Variants in PPARGC1A observed in about 807,000 individuals in gnomAD.
The protein encoded by PPARGC1A is PPARG coactivator 1 alpha, also known as peroxisome proliferator-activated receptor gamma coactivator 1-alpha.
Under a neutral mutation model 88.7 loss-of-function variants are expected in PPARGC1A, and 25 were observed. The ratio of observed to expected loss-of-function variants is 0.28; its 90% CI spans 0.21 to 0.39. The LOEUF (loss-of-function observed/expected upper bound fraction) is 0.39, where lower values mean the gene tolerates loss of function less well. Ranked by LOEUF, PPARGC1A falls within the 10% of genes least tolerant of loss-of-function variation. The probability of loss-of-function intolerance (pLI) is 1.00; values close to 1 mark genes in which losing one functional copy is unlikely to be tolerated. For synonymous variants in PPARGC1A, 363 were observed against 355.6 expected (o/e 1.02, Z -0.24); for missense variants, 880 against 968.7 (o/e 0.91, Z 1.22).
the PPARGC1A span, among the ~76,000 whole-genome samples, chr4:24,166,416 C>A: frequency 6.6e-6 from 1 of 152,180 alleles, no homozygotes; most frequent in East Asian, 1.9e-4. Context: ...AGCAACAGAT[C>A]TTCAATATAG....
At chr4:24,123,634 G>T in the PPARGC1A span, among the ~76,000 whole-genome samples, 1 of 152,150 alleles carries the variant, frequency 6.6e-6, no homozygotes, top group Non-Finnish European at 1.5e-5. Context: ...TCCAATGGGG[G>T]AACCAGTGGG....
At chr4:24,013,724 A>C in the PPARGC1A span, among the ~76,000 whole-genome samples, 1 of 152,218 alleles carries the variant, frequency 6.6e-6, no homozygotes, top group Admixed American at 6.5e-5. Context: ...TAAACAATTA[A>C]ATTTTTGGCA....
the PPARGC1A span, among the ~76,000 whole-genome samples, chr4:24,012,918 C>T: frequency 2.6e-5 from 4 of 152,120 alleles, no homozygotes; most frequent in Admixed American, 2.6e-4. Context: ...GTGGAAGCAG[C>T]CACCCATCAT....
At chr4:24,162,044 A>G in the PPARGC1A span, among the ~76,000 whole-genome samples, 339 of 152,084 alleles carry the variant, frequency 2.2e-3, 1 homozygote, top group African/African-American at 7.8e-3. Flanking sequence ...TAAAAAAGGA[A>G]TGAAATAATG....
At chr4:24,301,198 T>C in the PPARGC1A span, among the ~76,000 whole-genome samples, 142 of 152,260 alleles carry the variant, frequency 9.3e-4, no homozygotes, top group African/African-American at 3.3e-3. Flanking sequence ...ACCTTAACAC[T>C]AGTAGATATT....
intron 5 of PPARGC1A, 144 bp downstream of exon 5, chr4:23,828,256 C>G (rs749354685): frequency 3.6e-6 from 3 of 828,026 alleles, no homozygotes; most frequent in South Asian, 1.7e-5. Flanking sequence ...TTTCTTCCCC[C>G]GCTCTGTAAT....
At chr4:23,834,639 T>C (rs59538905) in intron 2 of PPARGC1A, among the ~76,000 whole-genome samples, 3,497 of 152,280 alleles carry the variant, frequency 0.023, 84 homozygotes, top group African/African-American at 0.061. Flanking sequence ...GCTTATTGAA[T>C]ACCCTCAGGC....
chr4:24,471,295 C>A, the PPARGC1A span, among the ~76,000 whole-genome samples: 1 of 151,978 alleles, frequency 6.6e-6, no homozygotes, highest in Non-Finnish European at 1.5e-5. This position sits in a 1 kb window ranked among gnomAD's most constrained non-coding sequence, Gnocchi z 5.4. Flanking sequence ...CTTTCCCCAG[C>A]CCAGACACGC....
the PPARGC1A span, among the ~76,000 whole-genome samples, chr4:23,971,316 T>C: frequency 6.6e-6 from 1 of 152,166 alleles, no homozygotes; most frequent in South Asian, 2.1e-4. Context: ...TGAGGCATAG[T>C]GTGTTGAGAA....
the PPARGC1A span, among the ~76,000 whole-genome samples, chr4:24,283,270 T>C: frequency 6.6e-6 from 1 of 152,310 alleles, no homozygotes; most frequent in East Asian, 1.9e-4. Context: ...TCCCACTGGG[T>C]TATGGCAAGA....
At chr4:23,996,478 G>A in the PPARGC1A span, among the ~76,000 whole-genome samples, 1 of 152,080 alleles carries the variant, frequency 6.6e-6, no homozygotes, top group South Asian at 2.1e-4. Context: ...TGTTGCCAGG[G>A]CCAGTCAGAT....
At chr4:24,440,055 G>A in the PPARGC1A span, among the ~76,000 whole-genome samples, 1 of 152,188 alleles carries the variant, frequency 6.6e-6, no homozygotes, top group African/African-American at 2.4e-5. Flanking sequence ...AGCACAAAAA[G>A]AGGTCTCCTT....
the PPARGC1A span, among the ~76,000 whole-genome samples, chr4:24,283,599 A>G: frequency 2.0e-5 from 3 of 152,174 alleles, no homozygotes; most frequent in Non-Finnish European, 4.4e-5. Context: ...AATGATAACA[A>G]CCATCAAGGG....
chr4:24,381,753 T>G, the PPARGC1A span, among the ~76,000 whole-genome samples: 11 of 152,240 alleles, frequency 7.2e-5, no homozygotes, highest in Non-Finnish European at 1.3e-4. Flanking sequence ...TTGTCTAGAT[T>G]ATCTGCTGAA....
At chr4:23,998,025 G>A in the PPARGC1A span, among the ~76,000 whole-genome samples, 3 of 152,126 alleles carry the variant, frequency 2.0e-5, no homozygotes, top group Non-Finnish European at 4.4e-5. Flanking sequence ...GTCTACATCA[G>A]TACATATGAA....
chr4:24,128,671 T>C, the PPARGC1A span, among the ~76,000 whole-genome samples: 2 of 152,082 alleles, frequency 1.3e-5, no homozygotes, highest in African/African-American at 4.8e-5. Flanking sequence ...TCTACCTTTA[T>C]TTCTTAAAAT....
At chr4:23,927,267 T>A in the PPARGC1A span, among the ~76,000 whole-genome samples, 1 of 152,352 alleles carries the variant, frequency 6.6e-6, no homozygotes, top group African/African-American at 2.4e-5. Flanking sequence ...CTACTGAATG[T>A]ATACCACTTT....
the PPARGC1A span, among the ~76,000 whole-genome samples, chr4:24,300,127 T>C: frequency 6.6e-6 from 1 of 152,144 alleles, no homozygotes; most frequent in Admixed American, 6.5e-5. Context: ...CTGGCTTTCC[T>C]GCCTTCGTTA....
chr4:24,154,617 A>G, the PPARGC1A span, among the ~76,000 whole-genome samples: 3 of 152,162 alleles, frequency 2.0e-5, no homozygotes, highest in African/African-American at 7.2e-5. Context: ...GAGTCAGGTG[A>G]AGCGCATGTC....
Sources: allele counts gnomAD v4.1 joint callset (sites outside exome capture counted in the v4.1 genomes callset), GRCh38; gene constraint gnomAD v4.1.1; non-coding constraint Gnocchi (gnomAD v3.1); transcripts MANE v1.5; gene names NCBI Gene and HGNC (gene_info 2026-07-23, HGNC 2026-07-21).